The following RTF2 variants were observed in gnomAD, a reference collection of about 807,000 sequenced individuals.
The protein encoded by RTF2 is UPF0549 protein C20orf43.
A neutral mutation model predicts 38.0 loss-of-function variants in RTF2; 18 were observed. The observed-to-expected ratio is 0.47, with a 90% CI of 0.33 to 0.70. RTF2 has a LOEUF of 0.70. Among genes scored for constraint, RTF2 ranks in the 30% least tolerant of loss-of-function variants. RTF2 has a pLI of 0.02. For synonymous variants in RTF2, 126 were observed against 137.1 expected (o/e 0.92, Z 0.57); for missense variants, 311 against 379.6 (o/e 0.82, Z 1.50).
Position 56,518,563 on chromosome 20 carries a change from CAA to C in RTF2, c.*299_*300del, listed in dbSNP as rs1019140930. 6 of 290,612 alleles carry C rather than the reference CAA, an allele frequency of 2.1e-5. No homozygotes were observed. Among genetic ancestry groups the C allele is most frequent in the African/African-American group, 1.3e-4 (6 of 46,172 alleles). The allele number at this position is 290,612 out of a possible 1,614,324, so 18.0% of individuals were successfully genotyped here. A position where few individuals can be genotyped will look rare whatever the true frequency, so the allele number is the denominator to read the frequency against. On this transcript the variant is annotated 3_prime_UTR_variant, in exon 9 of 9. Coordinates refer to ENST00000357348, the MANE Select transcript of RTF2 (RefSeq NM_016407.5). Reference sequence around the variant, plus strand: ...GCTGCACTTTTTATGCTTGCAGTAACAAGAGACTCCAGAGTCCTCACCGGTGC... The same window carrying C: ...GCTGCACTTTTTATGCTTGCAGTAACGAGACTCCAGAGTCCTCACCGGTGC...
intron 4 of RTF2, among the ~76,000 whole-genome samples, chr20:56,483,368 G>C (rs1982622810): frequency 6.7e-6 from 1 of 150,234 alleles, no homozygotes; most frequent in Admixed American, 6.6e-5. Flanking sequence ...AGCGACAAGC[G>C]ACAGAATCTG....
chr20:56,473,570 A>G (rs1410847815), intron 2 of RTF2, among the ~76,000 whole-genome samples, 175 bp downstream of exon 2: 4 of 152,120 alleles, frequency 2.6e-5, no homozygotes, highest in Non-Finnish European at 5.9e-5. Context: ...AGTTTGGTTT[A>G]TTTAATCCAT....
rs999972321 is a variant in RTF2 at position 56,517,128 on chromosome 20, TAA to T, written c.670_671del (p.Lys224AspfsTer5). ...SEEAPGPSKVKTGKPEEASLD... is the reference protein window; with the variant it reads ...SEEAPGPSKVXTGKPEEASLD... Reference sequence around the variant, plus strand: ...CAGAAGCCCCAGGGCCATCAAAAGTTAAGACAGGGAAGCCTGAAGAAGCCAGC... The same window carrying T: ...CAGAAGCCCCAGGGCCATCAAAAGTTGACAGGGAAGCCTGAAGAAGCCAGC... On this transcript the variant is annotated frameshift_variant, in exon 8 of 9. Transcript: ENST00000357348. LOFTEE classifies it high-confidence loss of function. 1.2e-6 allele frequency: 2 copies of T among 1,614,184 alleles called. No individual in the cohort carries two copies. Among genetic ancestry groups the T allele is most frequent in the Non-Finnish European group, 1.7e-6 (2 of 1,180,024 alleles).
At chr20:56,472,717 C>G (rs1423545021) in intron 1 of RTF2, among the ~76,000 whole-genome samples, 3 of 151,602 alleles carry the variant, frequency 2.0e-5, no homozygotes, top group African/African-American at 7.3e-5. Flanking sequence ...TATTAAGATT[C>G]AGATGTTAAT....
chr20:56,501,463 A>C lies in RTF2; in HGVS notation c.478-11852A>C, dbSNP rs186034905. On this transcript the variant is annotated intron_variant, in intron 5 of 8. Coordinates refer to ENST00000357348, the MANE Select transcript of RTF2 (RefSeq NM_016407.5). ...AGTGTTCTTACTGAGTTTTTGAACC[A>C]TTTTTTCCTCCATAGAAAGATGTTT... Among the ~76,000 whole-genome samples the C allele has an allele frequency of 4.6e-5, 7 of 152,244 alleles. No individual in the cohort carries two copies. In the East Asian group the frequency reaches 5.8e-4, roughly 13 times the overall value.
In RTF2 at chr20:56,473,398, A is replaced by T. The variant is rs1220500868; in HGVS notation, c.164+3A>T. On this transcript the variant is annotated splice_donor_region_variant and intron_variant, in intron 2 of 8. Transcript: ENST00000357348. ...ATAGTTGCCTGTGAACTTGGCAGGT[A>T]TGGTTTTTACACTTAATCAAGATGA... The T allele has an allele frequency of 6.2e-7, 1 of 1,601,888 alleles. No homozygotes were observed. The highest frequency in any genetic ancestry group is 8.5e-7 in the Non-Finnish European group (1 of 1,169,810).
intron 1 of RTF2, chr20:56,472,367 C>T: frequency 6.5e-7 from 1 of 1,547,010 alleles, no homozygotes; most frequent in East Asian, 2.4e-5. Flanking sequence ...GCAGTCTACA[C>T]AGTGAAGGAA....
chr20:56,500,793 T>C (rs1983877588), intron 5 of RTF2, among the ~76,000 whole-genome samples: 1 of 152,144 alleles, frequency 6.6e-6, no homozygotes, highest in Non-Finnish European at 1.5e-5. Flanking sequence ...ACATAAACTT[T>C]TTTTTGAGAC....
rs570448146 is a variant in RTF2 at position 56,510,429 on chromosome 20, A to G, written c.478-2886A>G. Among the ~76,000 whole-genome samples the G allele has an allele frequency of 2.6e-5, 4 of 152,362 alleles. No homozygotes were observed. In the East Asian group the frequency reaches 5.8e-4, roughly 22 times the overall value. On this transcript the variant is annotated intron_variant, in intron 5 of 8. Transcript: ENST00000357348. ...TTTGGGAGATCAGAAGATGTAAAAC[A>G]GAAACCCAGAATGCTCTTCTAAGAG...
rs535688127 is a variant in RTF2 at position 56,516,880 on chromosome 20, C to T, written c.592-55C>T. 74 of 1,545,488 alleles carry T rather than the reference C, an allele frequency of 4.8e-5. No homozygotes were observed. In the South Asian group the frequency reaches 7.3e-4, roughly 15 times the overall value. Reference sequence around the variant, plus strand: ...CCGGGACAATGGGCAGCCACACTGACGCTGAAGTGGAGTGAATCTGAGCAC... The same window carrying T: ...CCGGGACAATGGGCAGCCACACTGATGCTGAAGTGGAGTGAATCTGAGCAC... On this transcript the variant is annotated intron_variant, in intron 6 of 8. Coordinates refer to ENST00000357348, the MANE Select transcript of RTF2 (RefSeq NM_016407.5).
chr20:56,478,604 A>G (rs1982374957), intron 4 of RTF2, among the ~76,000 whole-genome samples: 2 of 152,248 alleles, frequency 1.3e-5, no homozygotes, highest in South Asian at 2.1e-4. Context: ...GAATGCTAGC[A>G]ATCACCTGAA....
intron 4 of RTF2, 92 bp downstream of exon 4, chr20:56,477,216 G>T: frequency 2.0e-6 from 3 of 1,483,210 alleles, no homozygotes; most frequent in Non-Finnish European, 2.8e-6. Context: ...CAGTCATGTG[G>T]CTTGCTTTCT....
chr20:56,473,165 TC>T (rs1982058482), intron 1 of RTF2, 135 bp from the exon 2 acceptor site: 2 of 628,628 alleles, frequency 3.2e-6, no homozygotes, highest in South Asian at 3.5e-5. Flanking sequence ...AAACCCAACT[TC>T]CTATGTCATT....
Position 56,518,260 on chromosome 20 carries a change from T to G in RTF2, c.916T>G (p.Phe306Val). 6.2e-7 allele frequency: 1 copy of G among 1,610,752 alleles called. No individual in the cohort carries two copies. Among genetic ancestry groups the G allele is most frequent in the Non-Finnish European group, 8.5e-7 (1 of 1,178,920 alleles). ...CTGGGTCACCCACACGTCCTACTGC[T>G]TCTGAAGCCCGCACTGCCACCGCTC... ...AHWVTHTSYC[F>V] The change falls in exon 9 of 9, where the codon TTC (phenylalanine) becomes GTC (valine). Residue 306 changes from phenylalanine (F) to valine (V), a missense_variant. Coordinates refer to ENST00000357348, the MANE Select transcript of RTF2 (RefSeq NM_016407.5).
chr20:56,504,527 A>G (rs576064363), intron 5 of RTF2, among the ~76,000 whole-genome samples: 33 of 152,176 alleles, frequency 2.2e-4, no homozygotes, highest in Admixed American at 3.9e-4. Flanking sequence ...AAATCCAGAC[A>G]TTTTACAAGG....
chr20:56,479,883 T>A (rs1982442205), intron 4 of RTF2, among the ~76,000 whole-genome samples: 1 of 151,418 alleles, frequency 6.6e-6, no homozygotes, highest in African/African-American at 2.4e-5. Flanking sequence ...GTAAGCCATG[T>A]TATAGACAGA....
At chr20:56,503,174 A>G (rs879285286) in intron 5 of RTF2, among the ~76,000 whole-genome samples, 15 of 152,332 alleles carry the variant, frequency 9.8e-5, no homozygotes, top group South Asian at 6.2e-4. Context: ...CTGAGCTCAG[A>G]ATGCTGTCCA....
chr20:56,514,481 A>G (rs1411528415), intron 6 of RTF2, among the ~76,000 whole-genome samples: 1 of 152,178 alleles, frequency 6.6e-6, no homozygotes, highest in Non-Finnish European at 1.5e-5. Flanking sequence ...TATGAAACAA[A>G]TCGCCTGCCC....
chr20:56,502,325 C>T (rs1312080158), intron 5 of RTF2, among the ~76,000 whole-genome samples: 1 of 152,202 alleles, frequency 6.6e-6, no homozygotes, highest in Admixed American at 6.5e-5. Flanking sequence ...TTTCAAAACA[C>T]ATTGCTCTTC....
Sources: allele counts gnomAD v4.1 joint callset (sites outside exome capture counted in the v4.1 genomes callset), GRCh38; gene constraint gnomAD v4.1.1; transcripts MANE v1.5; gene names NCBI Gene and HGNC (gene_info 2026-07-23, HGNC 2026-07-21).